H1-10: variants seen among roughly 807,000 people sequenced by gnomAD.
H1-10 encodes histone H1.10.
For missense variants in H1-10, 307 were observed against 297.9 expected (o/e 1.03, Z -0.22); for synonymous variants, 191 against 140.9 (o/e 1.36, Z -2.52).
Position 129,315,564 on chromosome 3 carries a change from G to C in H1-10, c.339C>G (p.Ser113=). 6.5e-7 allele frequency: 1 copy of C among 1,549,262 alleles called. No homozygotes were observed. The highest frequency in any genetic ancestry group is 1.2e-5 in the South Asian group (1 of 84,056). Residue 113 remains serine, a synonymous_variant, in exon 1 of 1, where the codon TCC becomes TCG. Coordinates refer to ENST00000333762, the MANE Select transcript of H1-10 (RefSeq NM_006026.4). ...CCAGCTTCTTGCGGTTGAGCTTGAA[G>C]GAACCGTTGGCGCCGGTGCCCTTCA... is the stretch of plus-strand genomic sequence containing the variant. The part of the protein sequence containing the change: ...LQVKGTGANG[S]FKLNRKKLEG...
In H1-10 at chr3:129,315,493, G is replaced by A. The variant is rs1186678851; in HGVS notation, c.410C>T (p.Pro137Leu). Residue 137 changes from proline to leucine, a missense_variant, in exon 1 of 1, where the codon CCG (proline) becomes CTG (leucine). Transcript: ENST00000333762. ...CTTCGCTTTGTGCGCGGTGGGGGCC[G>A]GGGCGGTGGCGGCCGCCGGGGCTCC... is the stretch of plus-strand genomic sequence containing the variant. ...RRGAPAAATA[P>L]APTAHKAKKA... 10 of 1,527,884 alleles carry A rather than the reference G, an allele frequency of 6.5e-6. No individual in the cohort carries two copies. The highest frequency in any genetic ancestry group is 5.0e-5 in the East Asian group (2 of 40,232). The allele number at this position is 1,527,884 out of a possible 1,614,324, so 94.6% of individuals were successfully genotyped here.
Position 129,315,390 on chromosome 3 carries a change from C to G in H1-10, c.513G>C (p.Ser171=). 6.5e-7 allele frequency: 1 copy of G among 1,539,372 alleles called. No individual in the cohort carries two copies. The highest frequency in any genetic ancestry group is 2.6e-5 in the East Asian group (1 of 38,986). The change falls in exon 1 of 1, where the codon TCG becomes TCC. Residue 171 remains serine (S), a synonymous_variant. Transcript: ENST00000333762. ...TCTTGGCGCCAGCGCCCTTCTTGTG[C>G]GAGCGCTGCTCCGGCTTCTGGCCCC... ...PARGQKPEQR[S]HKKGAGAKKD... is the part of the protein sequence containing the mutation.
chr3:129,315,184 CA>C lies in H1-10; in HGVS notation c.*76del. On this transcript the variant is annotated 3_prime_UTR_variant, in exon 1 of 1. Transcript: ENST00000333762. The stretch of plus-strand genomic sequence containing the variant: ...GCGGCCCCGGCCGGCGTGAGCCGTA[CA>C]AAATCTACGTCACTTGGGGTAGAAA... 8.1e-7 allele frequency: 1 copy of C among 1,236,210 alleles called. No homozygotes were observed. The allele number at this position is 1,236,210 out of a possible 1,614,324, so 76.6% of individuals were successfully genotyped here. A position where few individuals can be genotyped will look rare whatever the true frequency, so the allele number is the denominator to read the frequency against.
At position 129,315,725 on chromosome 3, in the gene H1-10, C is replaced by G; in HGVS notation, c.178G>C (p.Gly60Arg). The G allele has an allele frequency of 6.3e-7, 1 of 1,592,312 alleles. No homozygotes were observed. Among genetic ancestry groups the G allele is most frequent in the Non-Finnish European group, 8.5e-7 (1 of 1,170,532 alleles). The change falls in exon 1 of 1, where the codon GGC (glycine) becomes CGC (arginine). Residue 60 changes from glycine to arginine, a missense_variant. By Grantham distance (125) the Gly-to-Arg change is moderately radical. Transcript: ENST00000333762. Reference protein sequence around the residue: ...QLVVETIRRLGERNGSSLAKI... With the variant: ...QLVVETIRRLRERNGSSLAKI... ...GCCAGCGACGAGCCGTTGCGCTCGC[C>G]CAGCCTACGGATGGTCTCCACCACC...
At position 129,315,838 on chromosome 3, in the gene H1-10, G is replaced by A; in HGVS notation, c.65C>T (p.Thr22Ile). Residue 22 changes from threonine to isoleucine, a missense_variant, in exon 1 of 1, where the codon ACC becomes ATC. By Grantham distance (89) the Thr-to-Ile change is moderately conservative. Transcript: ENST00000333762. Reference protein sequence around the residue: ...TTAEGMAKKVTKAGGSAALSP... With the variant: ...TTAEGMAKKVIKAGGSAALSP... ...CAACGCCGCCGAGCCGCCAGCCTTG[G>A]TCACCTTCTTGGCCATTCCCTCGGC... The A allele has an allele frequency of 1.9e-6, 3 of 1,603,270 alleles. No homozygotes were observed. Among genetic ancestry groups the A allele is most frequent in the Non-Finnish European group, 1.7e-6 (2 of 1,175,494 alleles).
rs1239823960 is a variant in H1-10, at chr3:129,314,910, C to T, written c.*351G>A. The stretch of plus-strand genomic sequence containing the variant: ...TGGGGAGCTGGGAAAGGATGCGCGG[C>T]CTCCGCGTCCCCGCGCGCCTGGGCC... On this transcript the variant is annotated 3_prime_UTR_variant, in exon 1 of 1. Coordinates refer to ENST00000333762, the MANE Select transcript of H1-10 (RefSeq NM_006026.4). 1 of 185,420 alleles carries T rather than the reference C, an allele frequency of 5.4e-6. No individual in the cohort carries two copies. Among genetic ancestry groups the T allele is most frequent in the African/African-American group, 2.3e-5 (1 of 42,760 alleles). 11.5% of individuals were successfully genotyped at this position (185,420 alleles called of 1,614,324 possible).
chr3:129,315,816 C>G lies in H1-10; in HGVS notation c.87G>C (p.Ala29=), dbSNP rs752124513. ...TCTTCCTCTTCTTAGATGGGGACAA[C>G]GCCGCCGAGCCGCCAGCCTTGGTCA... The part of the protein sequence containing the change: ...KKVTKAGGSA[A]LSPSKKRKNS... The change falls in exon 1 of 1, where the codon GCG becomes GCC. Residue 29 remains alanine (A), a synonymous_variant. Coordinates refer to ENST00000333762, the MANE Select transcript of H1-10 (RefSeq NM_006026.4). 3.8e-5 allele frequency: 61 copies of G among 1,603,270 alleles called. No individual in the cohort carries two copies. The highest frequency in any genetic ancestry group is 5.0e-5 in the Non-Finnish European group (59 of 1,175,776).
Position 129,315,945 on chromosome 3 carries a change from G to C in H1-10, c.-43C>G. On this transcript the variant is annotated 5_prime_UTR_variant, in exon 1 of 1. Transcript: ENST00000333762. ...TGGCGGGCGGCGCGCGGAAGCCGGG[G>C]GGCCGCGCCGGGAAGAGGAAGGCGA... 6.7e-7 allele frequency: 1 copy of C among 1,489,102 alleles called. No homozygotes were observed. Among genetic ancestry groups the C allele is most frequent in the Non-Finnish European group, 9.0e-7 (1 of 1,112,420 alleles). 92.2% of individuals were successfully genotyped at this position (1,489,102 alleles called of 1,614,324 possible). A position where few individuals can be genotyped will look rare whatever the true frequency, so the allele number is the denominator to read the frequency against.
In H1-10 at chr3:129,316,259, A is replaced by G. The variant is rs2071305216; in HGVS notation, c.-357T>C. The G allele has an allele frequency of 6.1e-6, 1 of 165,202 alleles. No homozygotes were observed. The highest frequency in any genetic ancestry group is 1.5e-5 in the Non-Finnish European group (1 of 68,140). The allele number at this position is 165,202 out of a possible 1,614,324, so 10.2% of individuals were successfully genotyped here. Reference sequence around the variant, plus strand: ...CCGCAGCTTCCACTGGCGCCTCTGGAACTCGCTGGGCGTGCGCGCTGCGCT... The same window carrying G: ...CCGCAGCTTCCACTGGCGCCTCTGGGACTCGCTGGGCGTGCGCGCTGCGCT... On this transcript the variant is annotated 5_prime_UTR_variant, in exon 1 of 1. Transcript: ENST00000333762.
rs563400918 is a variant in H1-10 at position 129,315,966 on chromosome 3, G to A, written c.-64C>T. 5,136 of 1,373,828 alleles carry A rather than the reference G, an allele frequency of 3.7e-3. 23 individuals carry two copies. Among genetic ancestry groups the A allele is most frequent in the Non-Finnish European group, 4.7e-3 (4,848 of 1,027,912 alleles). 85.1% of individuals were successfully genotyped at this position (1,373,828 alleles called of 1,614,324 possible). ...CGGGGGGCCGCGCCGGGAAGAGGAA[G>A]GCGAGGGGCCGAGGGGGTGCAGGGG... On this transcript the variant is annotated 5_prime_UTR_variant, in exon 1 of 1. Transcript: ENST00000333762.
At position 129,315,695 on chromosome 3, in the gene H1-10, T is replaced by C; in HGVS notation, c.208A>G (p.Ile70Val). The C allele has an allele frequency of 6.3e-7, 1 of 1,585,566 alleles. No homozygotes were observed. Among genetic ancestry groups the C allele is most frequent in the Non-Finnish European group, 8.6e-7 (1 of 1,168,016 alleles). Reference protein sequence around the residue: ...GERNGSSLAKIYTEAKKVPWF... With the variant: ...GERNGSSLAKVYTEAKKVPWF... ...GGAACCTTCTTGGCCTCGGTGTAGA[T>C]CTTGGCCAGCGACGAGCCGTTGCGC... Residue 70 changes from isoleucine (I) to valine (V), a missense_variant, in exon 1 of 1, where the codon ATC becomes GTC. Physicochemically the swap from Ile to Val is conservative, Grantham distance 29. Coordinates refer to ENST00000333762, the MANE Select transcript of H1-10 (RefSeq NM_006026.4).
In H1-10 at chr3:129,315,159, GCGGCCC is replaced by G; in HGVS notation, c.*96_*101del. Reference sequence around the variant, plus strand: ...CTCCCTGAGGCTCAGACCAGGCCTCGCGGCCCCGGCCGGCGTGAGCCGTACAAAATC... The same window carrying G: ...CTCCCTGAGGCTCAGACCAGGCCTCGCGGCCGGCGTGAGCCGTACAAAATC... On this transcript the variant is annotated 3_prime_UTR_variant, in exon 1 of 1. Coordinates refer to ENST00000333762, the MANE Select transcript of H1-10 (RefSeq NM_006026.4). The G allele has an allele frequency of 9.2e-7, 1 of 1,084,346 alleles. No homozygotes were observed. The highest frequency in any genetic ancestry group is 1.2e-6 in the Non-Finnish European group (1 of 848,564). The allele number at this position is 1,084,346 out of a possible 1,614,324, so 67.2% of individuals were successfully genotyped here.
Position 129,315,843 on chromosome 3 carries a change from C to A in H1-10, c.60G>T (p.Lys20Asn). The A allele has an allele frequency of 6.2e-7, 1 of 1,602,778 alleles. No homozygotes were observed. The highest frequency in any genetic ancestry group is 8.5e-7 in the Non-Finnish European group (1 of 1,175,198). ...CCGCCGAGCCGCCAGCCTTGGTCAC[C>A]TTCTTGGCCATTCCCTCGGCGGTCG... ...PVTTAEGMAK[K>N]VTKAGGSAAL... The change falls in exon 1 of 1, where the codon AAG becomes AAT. Residue 20 changes from lysine (K) to asparagine (N), a missense_variant. By Grantham distance (94) the Lys-to-Asn change is moderately conservative. Coordinates refer to ENST00000333762, the MANE Select transcript of H1-10 (RefSeq NM_006026.4).
Position 129,314,874 on chromosome 3 carries a change from G to A in H1-10, c.*387C>T, listed in dbSNP as rs14286. The stretch of plus-strand genomic sequence containing the variant: ...AGCGATTGTTTGTCGCGCACCCAAA[G>A]GCAAGGAGGGTGGGGAGCTGGGAAA... On this transcript the variant is annotated 3_prime_UTR_variant, in exon 1 of 1. Transcript: ENST00000333762. 1.3e-4 allele frequency: 21 copies of A among 166,058 alleles called. No individual in the cohort carries two copies. Among genetic ancestry groups the A allele is most frequent in the Non-Finnish European group, 2.3e-4 (18 of 77,852 alleles). 10.3% of individuals were successfully genotyped at this position (166,058 alleles called of 1,614,324 possible).
rs2071288886 is a variant in H1-10 at position 129,315,146 on chromosome 3, C to CA, written c.*114dup. On this transcript the variant is annotated 3_prime_UTR_variant, in exon 1 of 1. Transcript: ENST00000333762. ...GGACCCGGGGCCCCTCCCTGAGGCT[C>CA]AGACCAGGCCTCGCGGCCCCGGCCG... The CA allele has an allele frequency of 2.1e-6, 2 of 935,872 alleles. No homozygotes were observed. Among genetic ancestry groups the CA allele is most frequent in the Non-Finnish European group, 2.8e-6 (2 of 714,532 alleles). The allele number at this position is 935,872 out of a possible 1,614,324, so 58.0% of individuals were successfully genotyped here.
chr3:129,315,738 G>A lies in H1-10; in HGVS notation c.165C>T (p.Thr55=), dbSNP rs1326388760. ...PGKYSQLVVE[T]IRRLGERNGS... ...CGTTGCGCTCGCCCAGCCTACGGATGGTCTCCACCACCAGCTGGCTGTACT... is the reference window on the plus strand; with the variant it reads ...CGTTGCGCTCGCCCAGCCTACGGATAGTCTCCACCACCAGCTGGCTGTACT... Residue 55 remains threonine (T), a synonymous_variant, in exon 1 of 1, where the codon ACC becomes ACT. Coordinates refer to ENST00000333762, the MANE Select transcript of H1-10 (RefSeq NM_006026.4). 1 of 1,595,782 alleles carries A rather than the reference G, an allele frequency of 6.3e-7. No homozygotes were observed. Among genetic ancestry groups the A allele is most frequent in the Non-Finnish European group, 8.5e-7 (1 of 1,172,146 alleles).
chr3:129,315,816 C>T lies in H1-10; in HGVS notation c.87G>A (p.Ala29=). Residue 29 remains alanine (A), a synonymous_variant, in exon 1 of 1, where the codon GCG becomes GCA. Coordinates refer to ENST00000333762, the MANE Select transcript of H1-10 (RefSeq NM_006026.4). Reference sequence around the variant, plus strand: ...TCTTCCTCTTCTTAGATGGGGACAACGCCGCCGAGCCGCCAGCCTTGGTCA... The same window carrying T: ...TCTTCCTCTTCTTAGATGGGGACAATGCCGCCGAGCCGCCAGCCTTGGTCA... ...KKVTKAGGSA[A]LSPSKKRKNS... 1.2e-6 allele frequency: 2 copies of T among 1,603,378 alleles called. No homozygotes were observed. The highest frequency in any genetic ancestry group is 1.7e-6 in the Non-Finnish European group (2 of 1,175,764).
chr3:129,314,879 G>C lies in H1-10; in HGVS notation c.*382C>G, dbSNP rs11537841. On this transcript the variant is annotated 3_prime_UTR_variant, in exon 1 of 1. Coordinates refer to ENST00000333762, the MANE Select transcript of H1-10 (RefSeq NM_006026.4). Reference sequence around the variant, plus strand: ...TTGTTTGTCGCGCACCCAAAGGCAAGGAGGGTGGGGAGCTGGGAAAGGATG... The same window carrying C: ...TTGTTTGTCGCGCACCCAAAGGCAACGAGGGTGGGGAGCTGGGAAAGGATG... 5.9e-6 allele frequency: 1 copy of C among 168,434 alleles called. No homozygotes were observed. Among genetic ancestry groups the C allele is most frequent in the East Asian group, 1.7e-4 (1 of 5,918 alleles). The allele number at this position is 168,434 out of a possible 1,614,324, so 10.4% of individuals were successfully genotyped here. A position where few individuals can be genotyped will look rare whatever the true frequency, so the allele number is the denominator to read the frequency against.
At position 129,315,880 on chromosome 3, in the gene H1-10, G is replaced by A. The variant is rs1268802674; in HGVS notation, c.23C>T (p.Ala8Val). Residue 8 changes from alanine (A) to valine (V), a missense_variant, in exon 1 of 1, where the codon GCC (alanine) becomes GTC (valine). By Grantham distance (64) the Ala-to-Val change is moderately conservative. Transcript: ENST00000333762. MSVELEE[A>V]LPVTTAEGMA... ...TCCCTCGGCGGTCGTCACTGGCAGGGCCTCCTCGAGCTCCACGGACATGGT... is the reference window on the plus strand; with the variant it reads ...TCCCTCGGCGGTCGTCACTGGCAGGACCTCCTCGAGCTCCACGGACATGGT... 1.9e-6 allele frequency: 3 copies of A among 1,592,460 alleles called. No individual in the cohort carries two copies. The highest frequency in any genetic ancestry group is 1.7e-6 in the Non-Finnish European group (2 of 1,169,982).
Sources: gnomAD v4.1 joint callset for allele counts on GRCh38, gnomAD v4.1.1 for gene constraint, MANE v1.5 for transcripts, NCBI Gene and HGNC (gene_info 2026-07-23, HGNC 2026-07-21) for gene names.